Variants in RGS3 observed in about 807,000 individuals in gnomAD.
RGS3 encodes the protein regulator of G protein signaling 3, also known as regulator of G-protein signalling 3.
Under a neutral mutation model 132.6 loss-of-function variants are expected in RGS3, and 80 were observed. That is an observed-to-expected ratio of 0.60 (90% confidence interval 0.50 to 0.73). RGS3 has a LOEUF of 0.73. Among genes scored for constraint, RGS3 ranks in the 30% least tolerant of loss-of-function variants. RGS3 has a pLI of 0.00. For synonymous variants in RGS3, 598 were observed against 620.6 expected, an observed-to-expected ratio of 0.96 and a Z score of 0.54; for missense variants, 1,382 against 1,530.8, an observed-to-expected ratio of 0.90 and a Z score of 1.62.
At chr9:113,521,121 G>A (rs1347358023) in intron 16 of RGS3, among the ~76,000 whole-genome samples, 1 of 152,162 alleles carries the variant, frequency 6.6e-6, no homozygotes, top group Non-Finnish European at 1.5e-5. Flanking sequence ...CTCTTGGGCT[G>A]CACTGAGACA....
At chr9:113,500,405 C>T (rs1390492754) in intron 10 of RGS3, among the ~76,000 whole-genome samples, 1 of 152,200 alleles carries the variant, frequency 6.6e-6, no homozygotes, top group African/African-American at 2.4e-5. Context: ...TCCCCAGGGG[C>T]TCTGAGATGG....
chr9:113,472,465 G>A (rs1829864673), intron 3 of RGS3, among the ~76,000 whole-genome samples: 2 of 152,206 alleles, frequency 1.3e-5, no homozygotes, highest in African/African-American at 4.8e-5. Context: ...ACTGATACGT[G>A]CTACAATATG....
chr9:113,569,148 A>T (rs1038042105), intron 19 of RGS3, among the ~76,000 whole-genome samples: 3 of 152,048 alleles, frequency 2.0e-5, no homozygotes, highest in Non-Finnish European at 4.4e-5. Flanking sequence ...AGCGGCTCCC[A>T]ACTTAGAAAG....
At chr9:113,497,927 C>T in intron 9 of RGS3, 98 bp from the exon 8 acceptor site, 1 of 1,257,940 alleles carries the variant, frequency 7.9e-7, no homozygotes, top group Non-Finnish European at 1.2e-6. Context: ...CTGGGCAGCC[C>T]CATGGGCCTG....
chr9:113,483,761 G>C (rs746136617), intron 5 of RGS3, among the ~76,000 whole-genome samples: 92 of 152,332 alleles, frequency 6.0e-4, no homozygotes, highest in Middle Eastern at 6.8e-3. Flanking sequence ...GGCAGAGGCT[G>C]ACCTGGAGCC....
chr9:113,510,185 A>G (rs1270508227), intron 14 of RGS3, among the ~76,000 whole-genome samples: 2 of 152,046 alleles, frequency 1.3e-5, no homozygotes, highest in Non-Finnish European at 2.9e-5. Flanking sequence ...AGAACATACA[A>G]TGTTTGGTTT....
chr9:113,591,549 C>A lies in RGS3; in HGVS notation c.3080+152C>A, dbSNP rs1362969964. The A allele has an allele frequency of 1.4e-6, 1 of 698,228 alleles. No homozygotes were observed. Among genetic ancestry groups the A allele is most frequent in the South Asian group, 1.6e-5 (1 of 62,762 alleles). 43.3% of individuals were successfully genotyped at this position (698,228 alleles called of 1,614,324 possible). A position where few individuals can be genotyped will look rare whatever the true frequency, so the allele number is the denominator to read the frequency against. ...ACCAAGGAAAAACTGGATCTTGGAACTTTGCAGTGACCCCAAAGTGGGGTC... is the reference window on the plus strand; with the variant it reads ...ACCAAGGAAAAACTGGATCTTGGAAATTTGCAGTGACCCCAAAGTGGGGTC... On this transcript the variant is annotated intron_variant, in intron 21 of 24. Transcript: ENST00000350696. This position sits in a 1 kb window ranked among gnomAD's most constrained non-coding sequence, Gnocchi z 4.4.
chr9:113,500,705 T>G (rs542907472), intron 10 of RGS3, among the ~76,000 whole-genome samples: 3,636 of 145,416 alleles, frequency 0.025, 54 homozygotes, highest in Admixed American at 0.037. Flanking sequence ...TTTTTTTTTT[T>G]GAGACAGACT....
intron 6 of RGS3, among the ~76,000 whole-genome samples, chr9:113,484,945 C>T (rs1830282658): frequency 6.6e-6 from 1 of 152,188 alleles, no homozygotes; most frequent in Non-Finnish European, 1.5e-5. Flanking sequence ...CCCTCCTACT[C>T]ACAGATACGC....
intron 19 of RGS3, among the ~76,000 whole-genome samples, chr9:113,562,759 G>A (rs1833847242): frequency 6.6e-6 from 1 of 152,196 alleles, no homozygotes. Flanking sequence ...GAAGCACTGG[G>A]ATGTGGTGAA....
Position 113,595,214 on chromosome 9 carries a change from C to T in RGS3, c.3244+234C>T, listed in dbSNP as rs1331037634. ...GAGCTGGCACTGCCTGCCGGAGGCC[C>T]GTGGGACCTGTGTGCTCAGATCCAT... On this transcript the variant is annotated intron_variant, in intron 23 of 24. Transcript: ENST00000350696. 16 of 589,132 alleles carry T rather than the reference C, an allele frequency of 2.7e-5. No homozygotes were observed. In the Middle Eastern group the frequency reaches 1.3e-3, roughly 49 times the overall value. 36.5% of individuals were successfully genotyped at this position (589,132 alleles called of 1,614,324 possible).
At position 113,591,998 on chromosome 9, in the gene RGS3, T is replaced by C. The variant is rs1336480807; in HGVS notation, c.3080+601T>C. On this transcript the variant is annotated intron_variant, in intron 21 of 24. Transcript: ENST00000350696. The surrounding 1 kb of genome is among the most constrained non-coding windows in gnomAD (Gnocchi z 4.4). ...CCCCCAGGCCTAAGACCCTGGAGAC[T>C]CGGGGGAGGTATAGGGAGGAGGCAG... The C allele has an allele frequency of 6.5e-6, 1 of 153,482 alleles. No individual in the cohort carries two copies. The highest frequency in any genetic ancestry group is 1.5e-5 in the Non-Finnish European group (1 of 68,892). The allele number at this position is 153,482 out of a possible 1,614,324, so 9.5% of individuals were successfully genotyped here. A position where few individuals can be genotyped will look rare whatever the true frequency, so the allele number is the denominator to read the frequency against.
intron 19 of RGS3, among the ~76,000 whole-genome samples, chr9:113,567,418 T>A (rs1233315870): frequency 6.6e-6 from 1 of 152,186 alleles, no homozygotes; most frequent in Non-Finnish European, 1.5e-5. Context: ...TGGGGCATGG[T>A]TGGAGAGGGG....
chr9:113,545,613 G>A (rs2118700148), intron 19 of RGS3, among the ~76,000 whole-genome samples: 1 of 152,188 alleles, frequency 6.6e-6, no homozygotes, highest in Non-Finnish European at 1.5e-5. Context: ...CCTCTATCCT[G>A]TCTTCGCCTT....
chr9:113,448,923 C>T (rs1047084731), intron 1 of RGS3, among the ~76,000 whole-genome samples: 43 of 152,074 alleles, frequency 2.8e-4, no homozygotes, highest in African/African-American at 9.9e-4. Flanking sequence ...GTGGAGGTGG[C>T]GTTTGAAGTG....
At chr9:113,476,955 G>A (rs1830010664) in intron 3 of RGS3, among the ~76,000 whole-genome samples, 1 of 152,184 alleles carries the variant, frequency 6.6e-6, no homozygotes, top group Non-Finnish European at 1.5e-5. Flanking sequence ...CAGAAAAAAT[G>A]TTTCATGTTA....
At position 113,514,467 on chromosome 9, in the gene RGS3, G is replaced by T. The variant is rs776408927; in HGVS notation, c.1487G>T (p.Ser496Ile). 2.5e-6 allele frequency: 4 copies of T among 1,613,636 alleles called. No individual in the cohort carries two copies. In the East Asian group the frequency reaches 8.9e-5, roughly 36 times the overall value. The change falls in exon 15 of 25, where the codon AGT (serine) becomes ATT (isoleucine). Residue 496 changes from serine to isoleucine, a missense_variant. Coordinates refer to ENST00000350696, the Ensembl canonical transcript of RGS3. ...CATCTCTGTTTCACAGAATCAGGGAGTCCCAGTAAAGGGAAGTCCTACACA... is the reference window on the plus strand; with the variant it reads ...CATCTCTGTTTCACAGAATCAGGGATTCCCAGTAAAGGGAAGTCCTACACA...
chr9:113,451,726 T>A (rs572149051), intron 1 of RGS3, among the ~76,000 whole-genome samples: 2 of 152,136 alleles, frequency 1.3e-5, no homozygotes, highest in East Asian at 3.9e-4. Context: ...GTTATACTGT[T>A]CTTTTAAACA....
In RGS3 at chr9:113,485,240, G is replaced by A. The variant is rs189842038; in HGVS notation, c.621-385G>A. Among the ~76,000 whole-genome samples the A allele has an allele frequency of 4.7e-3, 717 of 152,060 alleles. 5 individuals carry two copies. The highest frequency in any genetic ancestry group is 0.016 in the African/African-American group (684 of 41,488). On this transcript the variant is annotated intron_variant, in intron 6 of 24. Transcript: ENST00000350696. ...GTAGCTGGGACTACAGGCGCCTGCCGCCATGCCTGGCTAATTTTTTTTGTA... is the reference window on the plus strand; with the variant it reads ...GTAGCTGGGACTACAGGCGCCTGCCACCATGCCTGGCTAATTTTTTTTGTA...
Sources: allele counts gnomAD v4.1 joint callset (sites outside exome capture counted in the v4.1 genomes callset), GRCh38; gene constraint gnomAD v4.1.1; non-coding constraint Gnocchi (gnomAD v3.1); transcripts MANE v1.5; gene names NCBI Gene and HGNC (gene_info 2026-07-23, HGNC 2026-07-21).